The following GSS variants were observed in gnomAD, a reference collection of about 807,000 sequenced individuals.
GSS encodes GSH synthetase.
Under a neutral mutation model 60.4 loss-of-function variants are expected in GSS, and 34 were observed. That is an observed-to-expected ratio of 0.56 (90% CI 0.43 to 0.75). GSS has a LOEUF of 0.75. Among genes scored for constraint, GSS ranks in the 30% least tolerant of loss-of-function variants. The pLI, the probability that GSS is intolerant of heterozygous loss-of-function variation, is 0.00. For synonymous variants in GSS, 224 were observed against 239.0 expected, an observed-to-expected ratio of 0.94 and a Z score of 0.58; for missense variants, 499 against 595.1, an observed-to-expected ratio of 0.84 and a Z score of 1.68.
chr20:34,947,398 T>G (rs1464495117), intron 2 of GSS, among the ~76,000 whole-genome samples: 2 of 151,568 alleles, frequency 1.3e-5, no homozygotes, highest in Non-Finnish European at 2.9e-5. Context: ...AAAATATTAT[T>G]ATTTTTTTAA....
At chr20:34,935,429 A>T (rs545333960) in intron 9 of GSS, 147 bp downstream of exon 9, 116 of 713,384 alleles carry the variant, frequency 1.6e-4, no homozygotes, top group Middle Eastern at 7.4e-4. Context: ...GGCTTGAGGG[A>T]GGATAGGAGG....
Position 34,950,492 on chromosome 20 carries a change from C to T in GSS, c.129+1232G>A, listed in dbSNP as rs200035474. On this transcript the variant is annotated intron_variant, in intron 2 of 12. Transcript: ENST00000651619. Reference sequence around the variant, plus strand: ...AAAGTGGGCAAAAGGAGGCTGGGCACGGTGGTTCACACCTGTAATCCCAGC... The same window carrying T: ...AAAGTGGGCAAAAGGAGGCTGGGCATGGTGGTTCACACCTGTAATCCCAGC... Among the ~76,000 whole-genome samples, 7 of 151,562 alleles carry T rather than the reference C, an allele frequency of 4.6e-5. No individual in the cohort carries two copies. The East Asian group carries it at 5.8e-4, about 13-fold the overall frequency.
intron 8 of GSS, among the ~76,000 whole-genome samples, chr20:34,936,391 G>A (rs911917717): frequency 2.0e-5 from 3 of 152,138 alleles, no homozygotes; most frequent in Non-Finnish European, 2.9e-5. Flanking sequence ...ATCCAGGCTC[G>A]AGCTCAGACA....
chr20:34,935,680 A>G, intron 8 of GSS, 38 bp from the exon 9 acceptor site: 2 of 1,487,022 alleles, frequency 1.3e-6, no homozygotes, highest in South Asian at 2.3e-5. Context: ...GTGTTAAATT[A>G]TAACTGATTT....
intron 3 of GSS, 83 bp from the exon 4 acceptor site, chr20:34,943,089 G>C: frequency 1.1e-6 from 1 of 890,940 alleles, no homozygotes; most frequent in Non-Finnish European, 1.8e-6. Context: ...ATTGACTCCT[G>C]AATCCTCTCT....
In GSS at chr20:34,936,846, A is replaced by G. The variant is rs1444334936; in HGVS notation, c.690-6T>C. On this transcript the variant is annotated splice_region_variant and splice_polypyrimidine_tract_variant and intron_variant, in intron 7 of 12. Coordinates refer to ENST00000651619, the MANE Select transcript of GSS (RefSeq NM_000178.4). The stretch of plus-strand genomic sequence containing the variant: ...GTCGGATCACATGGATGTTCCTGGG[A>G]AAAATGGGCAAGAGCCAGAGGGAAT... 7 of 1,612,506 alleles carry G rather than the reference A, an allele frequency of 4.3e-6. No homozygotes were observed. Among genetic ancestry groups the G allele is most frequent in the African/African-American group, 1.3e-5 (1 of 74,974 alleles).
At chr20:34,939,709 G>A (rs1273114215) in intron 6 of GSS, among the ~76,000 whole-genome samples, 4 of 147,860 alleles carry the variant, frequency 2.7e-5, no homozygotes, top group East Asian at 2.0e-4. Flanking sequence ...TCGCTCTGTC[G>A]CCCAGGCTGG....
In GSS at chr20:34,929,516, T is replaced by C. The variant is rs771438550; in HGVS notation, c.1186A>G (p.Ile396Val). ...TCAGGTTCGATCTTCTCCATGAGGA[T>C]GTAGGAGGCCCTCTCCTCACTGTCC... ...LKDSEERASY[I>V]LMEKIEPEPF... Residue 396 changes from isoleucine (I) to valine (V), a missense_variant, in exon 12 of 13, where the codon ATC becomes GTC. By Grantham distance (29) the Ile-to-Val change is conservative (BLOSUM62 3). Coordinates refer to ENST00000651619, the MANE Select transcript of GSS (RefSeq NM_000178.4). 25 of 1,613,566 alleles carry C rather than the reference T, an allele frequency of 1.5e-5. No individual in the cohort carries two copies. In the Admixed American group the frequency reaches 4.0e-4, roughly 26 times the overall value.
intron 6 of GSS, among the ~76,000 whole-genome samples, chr20:34,937,560 AAAC>A (rs1308756994): frequency 6.6e-6 from 1 of 152,194 alleles, no homozygotes; most frequent in Non-Finnish European, 1.5e-5. Flanking sequence ...GGCCAACTAC[AAAC>A]AACGACATTA....
At chr20:34,940,220 C>A (rs1196030011) in intron 6 of GSS, among the ~76,000 whole-genome samples, 1 of 152,176 alleles carries the variant, frequency 6.6e-6, no homozygotes, top group African/African-American at 2.4e-5. Flanking sequence ...ATAACTCCTA[C>A]CTACCAGTGC....
At chr20:34,935,689 T>A in intron 8 of GSS, 47 bp from the exon 9 acceptor site, 1 of 1,400,294 alleles carries the variant, frequency 7.1e-7, no homozygotes, top group Non-Finnish European at 1.0e-6. Flanking sequence ...TATAACTGAT[T>A]TGTTCAGTGG....
intron 8 of GSS, 64 bp downstream of exon 8, chr20:34,936,699 G>T: frequency 1.9e-6 from 2 of 1,079,840 alleles, no homozygotes; most frequent in Non-Finnish European, 2.9e-6. Context: ...AATCATTTTG[G>T]GGAAGAGGGT....
intron 9 of GSS, among the ~76,000 whole-genome samples, chr20:34,934,566 C>G (rs568081546): frequency 6.6e-6 from 1 of 152,114 alleles, no homozygotes; most frequent in Non-Finnish European, 1.5e-5. Context: ...CGTGAACCAC[C>G]GTGCCCGGCC....
chr20:34,942,181 G>A (rs2081488332), intron 5 of GSS, among the ~76,000 whole-genome samples: 1 of 152,094 alleles, frequency 6.6e-6, no homozygotes, highest in Non-Finnish European at 1.5e-5. Flanking sequence ...GGCTAGAAAT[G>A]GATGCTACCA....
At chr20:34,929,690 C>T in intron 11 of GSS, 100 bp from the exon 12 acceptor site, 3 of 1,004,122 alleles carry the variant, frequency 3.0e-6, no homozygotes, top group Non-Finnish European at 4.7e-6. Context: ...AGCCTCAGTT[C>T]CTGGCACCCG....
In GSS at chr20:34,929,609, G is replaced by T; in HGVS notation, c.1112-19C>A. 1 of 1,608,700 alleles carries T rather than the reference G, an allele frequency of 6.2e-7. No individual in the cohort carries two copies. The highest frequency in any genetic ancestry group is 8.5e-7 in the Non-Finnish European group (1 of 1,175,528). ...TTGTTACCTGCAATGAAACTGGCCA[G>T]TCACCCTGGACCCTCTGCCTACCTC... On this transcript the variant is annotated intron_variant, in intron 11 of 12. Transcript: ENST00000651619.
chr20:34,954,896 A>G (rs2147140664), intron 1 of GSS: 1 of 153,656 alleles, frequency 6.5e-6, no homozygotes, highest in South Asian at 2.1e-4. Flanking sequence ...GCCTAAGTAT[A>G]TAGTACTTTG....
At chr20:34,945,126 T>C (rs1470444997) in intron 3 of GSS, among the ~76,000 whole-genome samples, 1 of 151,728 alleles carries the variant, frequency 6.6e-6, no homozygotes, top group Non-Finnish European at 1.5e-5. Flanking sequence ...GTTCAAGCGA[T>C]TCTCCTGCCT....
intron 9 of GSS, chr20:34,934,177 C>CAAAA (rs1177763858): frequency 7.7e-6 from 1 of 130,110 alleles, no homozygotes. Flanking sequence ...AACTCTGTCT[C>CAAAA]AAAAAAAAAA....
Sources: allele counts gnomAD v4.1 joint callset (sites outside exome capture counted in the v4.1 genomes callset), GRCh38; gene constraint gnomAD v4.1.1; transcripts MANE v1.5; gene names NCBI Gene and HGNC (gene_info 2026-07-23, HGNC 2026-07-21).